PATJ: variants seen among roughly 807,000 people sequenced by gnomAD.
PATJ encodes the protein PATJ crumbs cell polarity complex component, also known as inaD-like protein.
In PATJ, 190 loss-of-function variants were observed where a neutral mutation model predicts 224.9. The ratio of observed to expected loss-of-function variants is 0.84; its 90% CI spans 0.75 to 0.95. The LOEUF (loss-of-function observed/expected upper bound fraction) is 0.95. PATJ is among the 40% of genes least tolerant of loss of function. The pLI is 0.00. For missense variants in PATJ, 2,121 were observed against 2,270.3 expected, an observed-to-expected ratio of 0.93 and a Z score of 1.34; for synonymous variants, 769 against 820.3, an observed-to-expected ratio of 0.94 and a Z score of 1.07.
intron 30 of PATJ, among the ~76,000 whole-genome samples, chr1:62,044,521 G>A (rs1652151859): frequency 6.6e-6 from 1 of 152,176 alleles, no homozygotes; most frequent in Admixed American, 6.5e-5. Flanking sequence ...GAGGTACTGA[G>A]GGCTCAAATA....
At chr1:62,056,854 C>T (rs917541746) in intron 31 of PATJ, among the ~76,000 whole-genome samples, 7 of 152,088 alleles carry the variant, frequency 4.6e-5, no homozygotes, top group African/African-American at 1.7e-4. Flanking sequence ...TTAAGTCTCA[C>T]TCTGTCACCT....
At chr1:62,150,668 C>G (rs373820237) in intron 42 of PATJ, among the ~76,000 whole-genome samples, 2 of 117,902 alleles carry the variant, frequency 1.7e-5, no homozygotes, top group South Asian at 5.6e-4. Flanking sequence ...CAGAACAAGA[C>G]CCTGTCTCAA....
chr1:61,924,153 T>G (rs1674769321), intron 26 of PATJ, among the ~76,000 whole-genome samples: 1 of 151,808 alleles, frequency 6.6e-6, no homozygotes, highest in Non-Finnish European at 1.5e-5. Flanking sequence ...GGAAGATCAT[T>G]TGACAGGAGT....
chr1:61,973,824 A>T (rs1683296401), intron 27 of PATJ, among the ~76,000 whole-genome samples: 2 of 151,984 alleles, frequency 1.3e-5, no homozygotes, highest in Admixed American at 1.3e-4. Context: ...TTCAAAATTA[A>T]AGCATGTTTA....
chr1:62,147,788 A>G (rs1441667174), intron 41 of PATJ, among the ~76,000 whole-genome samples: 1 of 148,804 alleles, frequency 6.7e-6, no homozygotes, highest in East Asian at 2.0e-4. Flanking sequence ...ACAGAGCGAG[A>G]CTCCGACTAA....
At chr1:61,970,491 C>T (rs1682815705) in intron 27 of PATJ, among the ~76,000 whole-genome samples, 1 of 151,988 alleles carries the variant, frequency 6.6e-6, no homozygotes, top group African/African-American at 2.4e-5. Context: ...TTATACAGAG[C>T]AGTTTTACTG....
intron 14 of PATJ, among the ~76,000 whole-genome samples, chr1:61,812,648 A>C (rs1655112151): frequency 6.6e-6 from 1 of 152,050 alleles, no homozygotes; most frequent in Non-Finnish European, 1.5e-5. Flanking sequence ...CAGGAGTTCA[A>C]GACCAGCCTG....
chr1:62,134,739 T>C (rs980369545), intron 41 of PATJ, among the ~76,000 whole-genome samples: 3 of 152,108 alleles, frequency 2.0e-5, no homozygotes, highest in African/African-American at 7.2e-5. Context: ...CAGACCATGG[T>C]TCTCCAAAGC....
chr1:61,856,106 G>A lies in PATJ; in HGVS notation c.2189G>A (p.Gly730Glu), dbSNP rs1180823215. Residue 730 changes from glycine to glutamate, a missense_variant, in exon 18 of 44, where the codon GGA (glycine) becomes GAA (glutamate). By Grantham distance (98) the Gly-to-Glu change is moderately conservative (BLOSUM62 -2). Coordinates refer to ENST00000642238, the MANE Select transcript of PATJ (RefSeq NM_001350145.3). ...VADGVAERSG[G>E]LLPGDRLVSV... ...GATGGTGTAGCAGAAAGAAGTGGGG[G>A]ACTATTACCTGGAGACCGCCTGGTC... 6.2e-7 allele frequency: 1 copy of A among 1,614,060 alleles called. No individual in the cohort carries two copies. The highest frequency in any genetic ancestry group is 1.7e-5 in the Admixed American group (1 of 60,018).
intron 31 of PATJ, among the ~76,000 whole-genome samples, chr1:62,054,543 G>A (rs1277221829): frequency 2.0e-5 from 3 of 152,050 alleles, no homozygotes; most frequent in Non-Finnish European, 2.9e-5. Context: ...ATTTTTAAAG[G>A]GGGAAATAAC....
intron 30 of PATJ, among the ~76,000 whole-genome samples, chr1:62,044,716 A>G (rs1652194875): frequency 6.6e-6 from 1 of 152,214 alleles, no homozygotes; most frequent in Admixed American, 6.5e-5. Flanking sequence ...TTCCATTAGC[A>G]TAATTTCCAT....
intron 27 of PATJ, among the ~76,000 whole-genome samples, chr1:61,984,710 G>C (rs1644648275): frequency 6.6e-6 from 1 of 152,014 alleles, no homozygotes; most frequent in Non-Finnish European, 1.5e-5. Context: ...AGTGGGTTGA[G>C]AATTAGCTAG....
chr1:61,856,034 C>G lies in PATJ; in HGVS notation c.2117C>G (p.Pro706Arg). The G allele has an allele frequency of 6.2e-7, 1 of 1,613,248 alleles. No individual in the cohort carries two copies. Among genetic ancestry groups the G allele is most frequent in the Non-Finnish European group, 8.5e-7 (1 of 1,179,228 alleles). Reference protein sequence around the residue: ...LGFSILDYQDPLDPTRSVIVI... With the variant: ...LGFSILDYQDRLDPTRSVIVI... ...TCTTCTTTGCTCGATTCACAGGACCCTTTAGATCCTACAAGATCAGTGATT... is the reference window on the plus strand; with the variant it reads ...TCTTCTTTGCTCGATTCACAGGACCGTTTAGATCCTACAAGATCAGTGATT... The change falls in exon 18 of 44, where the codon CCT becomes CGT. Residue 706 changes from proline (P) to arginine (R), a missense_variant. Transcript: ENST00000642238.
chr1:61,785,657 G>A (rs1648351155), intron 7 of PATJ, among the ~76,000 whole-genome samples: 1 of 152,056 alleles, frequency 6.6e-6, no homozygotes, highest in South Asian at 2.1e-4. Flanking sequence ...CTATAATAAA[G>A]TGAATTCAGA....
intron 43 of PATJ, among the ~76,000 whole-genome samples, chr1:62,157,292 C>T (rs1669326274): frequency 6.6e-6 from 1 of 150,784 alleles, no homozygotes; most frequent in South Asian, 2.2e-4. Context: ...CCATTGCACT[C>T]CAGCCTGGAT....
Position 61,791,207 on chromosome 1 carries a change from G to T in PATJ, c.1069-141G>T, listed in dbSNP as rs546281369. The T allele has an allele frequency of 1.8e-5, 9 of 508,586 alleles. No homozygotes were observed. The Admixed American group carries it at 3.1e-4, about 18-fold the overall frequency. 31.5% of individuals were successfully genotyped at this position (508,586 alleles called of 1,614,324 possible). A position where few individuals can be genotyped will look rare whatever the true frequency, so the allele number is the denominator to read the frequency against. On this transcript the variant is annotated intron_variant, in intron 8 of 43. Coordinates refer to ENST00000642238, the MANE Select transcript of PATJ (RefSeq NM_001350145.3). Reference sequence around the variant, plus strand: ...GGCATCAATATGGGAGTAGCACCAGGAATTGAAGGTCATGGGACCATCTTA... The same window carrying T: ...GGCATCAATATGGGAGTAGCACCAGTAATTGAAGGTCATGGGACCATCTTA...
chr1:62,135,377 A>G (rs565388129), intron 41 of PATJ, among the ~76,000 whole-genome samples: 81 of 152,052 alleles, frequency 5.3e-4, no homozygotes, highest in Non-Finnish European at 7.8e-4. Context: ...TAAGCCAGGC[A>G]TGGTAATGCA....
chr1:61,840,150 G>A (rs558243454), intron 17 of PATJ, among the ~76,000 whole-genome samples: 2 of 152,032 alleles, frequency 1.3e-5, no homozygotes, highest in Non-Finnish European at 2.9e-5. Context: ...AAAATCTAGT[G>A]TGTAGTTTTG....
At chr1:62,059,791 C>G (rs1655123954) in intron 31 of PATJ, among the ~76,000 whole-genome samples, 1 of 152,156 alleles carries the variant, frequency 6.6e-6, no homozygotes, top group Non-Finnish European at 1.5e-5. Flanking sequence ...AACCAAGGAT[C>G]TGGCCATTAG....
Sources: allele counts gnomAD v4.1 joint callset (sites outside exome capture counted in the v4.1 genomes callset), GRCh38; gene constraint gnomAD v4.1.1; transcripts MANE v1.5; gene names NCBI Gene and HGNC (gene_info 2026-07-23, HGNC 2026-07-21).